SLC18A2: variants seen among roughly 807,000 people sequenced by gnomAD.
The protein encoded by SLC18A2 is synaptic vesicular amine transporter.
A neutral mutation model predicts 59.2 loss-of-function variants in SLC18A2; 33 were observed. That is an observed-to-expected ratio of 0.56 (90% CI 0.42 to 0.75). The LOEUF (loss-of-function observed/expected upper bound fraction) is 0.75, where lower values mean the gene tolerates loss of function less well. SLC18A2 is among the 30% of genes least tolerant of loss of function. The pLI is 0.00. For missense variants in SLC18A2, 569 were observed against 668.6 expected (o/e 0.85, Z 1.64); for synonymous variants, 228 against 253.5 (o/e 0.90, Z 0.95).
Position 117,254,481 on chromosome 10 carries a change from G to C in SLC18A2, c.684G>C (p.Leu228=). ...TCATGGGAATCGCCTTGGGAGGCCT[G>C]GCCATGGGGGTCTTAGGTGGGTAAG... ...GNVMGIALGG[L]AMGVLVGPPF... Residue 228 remains leucine, a synonymous_variant, in exon 6 of 16, where the codon CTG becomes CTC. Transcript: ENST00000644641. 6.2e-7 allele frequency: 1 copy of C among 1,607,900 alleles called. No individual in the cohort carries two copies. Among genetic ancestry groups the C allele is most frequent in the Non-Finnish European group, 8.5e-7 (1 of 1,176,620 alleles).
chr10:117,266,907 G>A (rs1428322345), intron 11 of SLC18A2, 77 bp from the exon 12 acceptor site: 12 of 1,566,834 alleles, frequency 7.7e-6, no homozygotes, highest in Non-Finnish European at 1.1e-5. Flanking sequence ...ACAAGTAATT[G>A]TTTTGATTTT....
intron 15 of SLC18A2, among the ~76,000 whole-genome samples, chr10:117,272,700 T>G (rs1355332309): frequency 6.6e-6 from 1 of 152,176 alleles, no homozygotes; most frequent in Non-Finnish European, 1.5e-5. Context: ...AGATAAATCA[T>G]TAAAAACTTG....
At position 117,253,380 on chromosome 10, in the gene SLC18A2, T is replaced by G; in HGVS notation, c.465-19T>G. ...ATAGCCTGCAGTCACCAGATTTGTC[T>G]GATGTTTGTGTTTTGCAGAATTGGC... On this transcript the variant is annotated intron_variant, in intron 3 of 15. Coordinates refer to ENST00000644641, the MANE Select transcript of SLC18A2 (RefSeq NM_003054.6). The G allele has an allele frequency of 6.2e-7, 1 of 1,603,356 alleles. No individual in the cohort carries two copies. The highest frequency in any genetic ancestry group is 8.5e-7 in the Non-Finnish European group (1 of 1,170,262).
At chr10:117,259,629 G>C (rs186400391) in intron 10 of SLC18A2, among the ~76,000 whole-genome samples, 57 of 152,262 alleles carry the variant, frequency 3.7e-4, no homozygotes, top group African/African-American at 1.2e-3. Context: ...TATAATTCTT[G>C]GTTGGAAATC....
chr10:117,251,581 A>G (rs1844162917), intron 3 of SLC18A2, among the ~76,000 whole-genome samples: 1 of 152,138 alleles, frequency 6.6e-6, no homozygotes, highest in African/African-American at 2.4e-5. Flanking sequence ...GAGGGGACTG[A>G]CTGTCTGGGA....
chr10:117,243,000 G>A (rs1158990217), intron 2 of SLC18A2, among the ~76,000 whole-genome samples: 2 of 152,158 alleles, frequency 1.3e-5, no homozygotes, highest in African/African-American at 4.8e-5. Context: ...CCAAAATGCT[G>A]GGATTACAGG....
chr10:117,263,691 A>G (rs1844318821), intron 10 of SLC18A2, among the ~76,000 whole-genome samples: 1 of 152,106 alleles, frequency 6.6e-6, no homozygotes, highest in African/African-American at 2.4e-5. Flanking sequence ...ACCCCTTGAG[A>G]CTTAGGGACT....
Position 117,278,891 on chromosome 10 carries a change from C to T in SLC18A2, c.*1625C>T, listed in dbSNP as rs1445687994. ...GGAAGATGGCTCTGGAGGAAACTCT[C>T]ATATGGCTAAAAAGGCAGGCTAGTT... On this transcript the variant is annotated 3_prime_UTR_variant, in exon 16 of 16. Coordinates refer to ENST00000644641, the MANE Select transcript of SLC18A2 (RefSeq NM_003054.6). 1 of 152,194 alleles carries T rather than the reference C, an allele frequency of 6.6e-6. No homozygotes were observed. The highest frequency in any genetic ancestry group is 1.5e-5 in the Non-Finnish European group (1 of 68,036). The allele number at this position is 152,194 out of a possible 1,614,324, so 9.4% of individuals were successfully genotyped here.
chr10:117,266,645 A>G (rs961145996), intron 10 of SLC18A2, 88 bp from the exon 11 acceptor site: 3 of 1,045,488 alleles, frequency 2.9e-6, no homozygotes, highest in African/African-American at 3.2e-5. Flanking sequence ...ATCTGCTCTC[A>G]TCAACATTGT....
chr10:117,241,511 G>T (rs1278937395), intron 1 of SLC18A2, 168 bp from the exon 2 acceptor site: 4 of 679,188 alleles, frequency 5.9e-6, no homozygotes, highest in South Asian at 4.9e-5. Context: ...GGGAGCGCGG[G>T]CTCTCGTGGG....
intron 10 of SLC18A2, among the ~76,000 whole-genome samples, chr10:117,263,711 G>A (rs199562956): frequency 1.2e-4 from 19 of 152,276 alleles, no homozygotes; most frequent in African/African-American, 4.3e-4. Flanking sequence ...TTACAGTTTG[G>A]GGTGAGGCCT....
chr10:117,241,890 C>A (rs898790097), intron 2 of SLC18A2, 76 bp downstream of exon 2: 5 of 1,406,196 alleles, frequency 3.6e-6, no homozygotes, highest in African/African-American at 1.5e-5. Context: ...CTTACCCCTG[C>A]GCGGTCCCGG....
rs926914628 is a variant in SLC18A2, at chr10:117,257,856, A to T, written c.955A>T (p.Met319Leu). 4 of 1,612,316 alleles carry T rather than the reference A, an allele frequency of 2.5e-6. No individual in the cohort carries two copies. In the African/African-American group the frequency reaches 5.3e-5, roughly 22 times the overall value. The stretch of plus-strand genomic sequence containing the variant: ...GCTGGAGCCAGCCCTGCCCATCTGG[A>T]TGATGGAGACCATGTGTTCCCGAAA... Reference protein sequence around the residue: ...AMLEPALPIWMMETMCSRKWQ... With the variant: ...AMLEPALPIWLMETMCSRKWQ... The change falls in exon 10 of 16, where the codon ATG becomes TTG. Residue 319 changes from methionine (M) to leucine (L), a missense_variant. By Grantham distance (15) the Met-to-Leu change is conservative. Around this residue, in one of 2 missense-constraint regions of SLC18A2, gnomAD observed 192 missense variants for 278.8 expected, o/e 0.69. Coordinates refer to ENST00000644641, the MANE Select transcript of SLC18A2 (RefSeq NM_003054.6).
At chr10:117,256,047 G>T (rs1029590597) in intron 9 of SLC18A2, among the ~76,000 whole-genome samples, 1 of 152,130 alleles carries the variant, frequency 6.6e-6, no homozygotes, top group East Asian at 1.9e-4. Flanking sequence ...GGTCCCCGGT[G>T]GGCAGTCTGA....
intron 13 of SLC18A2, among the ~76,000 whole-genome samples, chr10:117,268,892 T>A (rs1248958220): frequency 1.3e-5 from 2 of 151,408 alleles, no homozygotes; most frequent in Non-Finnish European, 2.9e-5. Flanking sequence ...AGTGTGTATG[T>A]GTGTGTTGTG....
At position 117,269,821 on chromosome 10, in the gene SLC18A2, T is replaced by A. The variant is rs1195905446; in HGVS notation, c.1187-250T>A. Among the ~76,000 whole-genome samples, 2 of 152,190 alleles carry A rather than the reference T, an allele frequency of 1.3e-5. No homozygotes were observed. The highest frequency in any genetic ancestry group is 2.9e-5 in the Non-Finnish European group (2 of 68,018). ...GGGCATTTAGCAAAGAATTGAAGAATGAATGACAATTGAGATGATGCTGTG... is the reference window on the plus strand; with the variant it reads ...GGGCATTTAGCAAAGAATTGAAGAAAGAATGACAATTGAGATGATGCTGTG... On this transcript the variant is annotated intron_variant, in intron 13 of 15. Coordinates refer to ENST00000644641, the MANE Select transcript of SLC18A2 (RefSeq NM_003054.6). The surrounding 1 kb of genome is among the most constrained non-coding windows in gnomAD (Gnocchi z 5.1).
chr10:117,258,056 G>T (rs1237594802), intron 10 of SLC18A2, among the ~76,000 whole-genome samples, 164 bp downstream of exon 10: 1 of 152,174 alleles, frequency 6.6e-6, no homozygotes, highest in Admixed American at 6.5e-5. Context: ...GGGTCTGTTT[G>T]TTCTCTGGTT....
intron 2 of SLC18A2, among the ~76,000 whole-genome samples, 173 bp from the exon 3 acceptor site, chr10:117,243,798 C>T (rs1844079619): frequency 6.6e-6 from 1 of 152,138 alleles, no homozygotes; most frequent in Admixed American, 6.5e-5. Flanking sequence ...GTTGGCCAGC[C>T]TGGTCTCGAA....
intron 3 of SLC18A2, among the ~76,000 whole-genome samples, chr10:117,246,594 C>T (rs1319001174): frequency 3.3e-5 from 5 of 152,142 alleles, no homozygotes; most frequent in Admixed American, 6.5e-5. Flanking sequence ...GTCCAGCTAC[C>T]GAGCAAATTT....
Sources: allele counts gnomAD v4.1 joint callset (sites outside exome capture counted in the v4.1 genomes callset), GRCh38; gene constraint gnomAD v4.1.1; regional missense constraint gnomAD v4.1.1; non-coding constraint Gnocchi (gnomAD v3.1); transcripts MANE v1.5; gene names NCBI Gene and HGNC (gene_info 2026-07-23, HGNC 2026-07-21).